TRIM58: variants seen among roughly 807,000 people sequenced by gnomAD.
TRIM58 encodes the protein tripartite motif containing 58.
Under a neutral mutation model 34.1 loss-of-function variants are expected in TRIM58, and 38 were observed. That is an observed-to-expected ratio of 1.12 (90% CI 0.86 to 1.46). The LOEUF is 1.46. Ranked by LOEUF, TRIM58 falls within the 40% of genes most tolerant of loss-of-function variation. The pLI is 0.00. For synonymous variants in TRIM58, 273 were observed against 275.7 expected (o/e 0.99, Z 0.10); for missense variants, 677 against 642.0 (o/e 1.05, Z -0.59).
chr1:247,861,836 C>T (rs1663800582), intron 2 of TRIM58, among the ~76,000 whole-genome samples: 1 of 151,982 alleles, frequency 6.6e-6, no homozygotes, highest in African/African-American at 2.4e-5. Context: ...GAAACATGTA[C>T]ATTAAGGCCA....
chr1:247,861,092 G>A (rs1229517407), intron 2 of TRIM58, among the ~76,000 whole-genome samples: 1 of 152,136 alleles, frequency 6.6e-6, no homozygotes, highest in African/African-American at 2.4e-5. Context: ...TGTAGCCCAA[G>A]GTGATCATCT....
chr1:247,868,631 T>C (rs1663985114), intron 5 of TRIM58, among the ~76,000 whole-genome samples: 1 of 152,216 alleles, frequency 6.6e-6, no homozygotes, highest in African/African-American at 2.4e-5. Flanking sequence ...GCACAGGTTG[T>C]GGTCTGTGAT....
At chr1:247,860,901 C>T (rs1572569705) in intron 2 of TRIM58, among the ~76,000 whole-genome samples, 189 bp downstream of exon 2, 1 of 152,146 alleles carries the variant, frequency 6.6e-6, no homozygotes, top group Non-Finnish European at 1.5e-5. Flanking sequence ...TTCTTTTTGT[C>T]TCTACTGCCA....
chr1:247,867,150 T>A (rs1347998284), intron 3 of TRIM58, among the ~76,000 whole-genome samples: 1 of 152,164 alleles, frequency 6.6e-6, no homozygotes. Context: ...GTACGTTGGT[T>A]CAGAGAATTA....
Position 247,864,912 on chromosome 1 carries a change from C to A in TRIM58, c.724C>A (p.Arg242Ser). ...LADELQERCQ[R>S]PALGLLEGVR... ...GGATGAGCTGCAGGAGAGGTGCCAG[C>A]GCCCGGCCCTGGGTCTGCTGGAGGT... The change falls in exon 3 of 6, where the codon CGC becomes AGC. Residue 242 changes from arginine to serine, a missense_variant. Physicochemically the swap from Arg to Ser is moderately radical, Grantham distance 110 (BLOSUM62 -1). Coordinates refer to ENST00000366481, the MANE Select transcript of TRIM58 (RefSeq NM_015431.4). The A allele has an allele frequency of 6.3e-7, 1 of 1,591,176 alleles. No homozygotes were observed. Among genetic ancestry groups the A allele is most frequent in the Non-Finnish European group, 8.5e-7 (1 of 1,169,828 alleles).
rs1659291063 is a variant in TRIM58, at chr1:247,876,489, A to C, written c.1461A>C (p.Ter487TyrextTer9). The C allele has an allele frequency of 6.2e-7, 1 of 1,611,332 alleles. No individual in the cohort carries two copies. The highest frequency in any genetic ancestry group is 1.1e-5 in the South Asian group (1 of 90,908). The part of the protein sequence containing the change: ...PASDVRDDHL[*>Y] ...CTGATGTAAGAGATGATCATCTCTA[A>C]AATTCTGTTCCCAAGATGCAGTCCT... is the stretch of plus-strand genomic sequence containing the variant. Residue 487 changes from the stop codon to tyrosine, a stop_lost, in exon 6 of 6, where the codon TAA becomes TAC. Transcript: ENST00000366481.
Position 247,861,321 on chromosome 1 carries a change from C to T in TRIM58, c.516+609C>T, listed in dbSNP as rs1192530006. 2.6e-5 allele frequency among the ~76,000 whole-genome samples: 4 copies of T among 152,026 alleles called. No individual in the cohort carries two copies. In the East Asian group the frequency reaches 7.7e-4, roughly 29 times the overall value. ...GATTCTCAACCTGAGGCGATACCTG[C>T]CCCCCAAGATAACATTTTGCAATTT... On this transcript the variant is annotated intron_variant, in intron 2 of 5. Transcript: ENST00000366481.
chr1:247,864,083 C>T (rs1663860667), intron 2 of TRIM58, among the ~76,000 whole-genome samples: 2 of 152,100 alleles, frequency 1.3e-5, no homozygotes, highest in East Asian at 1.9e-4. Flanking sequence ...TGTGACTGCT[C>T]TATGCTAATC....
rs10578618 is a variant in TRIM58 at position 247,878,164 on chromosome 1, A to AAAATAAATAAATAAAT, written c.*1705_*1720dup. On this transcript the variant is annotated 3_prime_UTR_variant, in exon 6 of 6. Transcript: ENST00000366481. ...GGCAACAGAGCAAGACTCCATCTCA[A>AAAATAAATAAATAAAT]AAATAAATAAATAAATAAATAAATA... 1.4e-5 allele frequency: 2 copies of AAAATAAATAAATAAAT among 144,306 alleles called. No homozygotes were observed. The highest frequency in any genetic ancestry group is 3.0e-5 in the Non-Finnish European group (2 of 66,202). 8.9% of individuals were successfully genotyped at this position (144,306 alleles called of 1,614,324 possible). A position where few individuals can be genotyped will look rare whatever the true frequency, so the allele number is the denominator to read the frequency against.
At chr1:247,864,174 T>G (rs1158706262) in intron 2 of TRIM58, among the ~76,000 whole-genome samples, 1 of 152,154 alleles carries the variant, frequency 6.6e-6, no homozygotes, top group Non-Finnish European at 1.5e-5. Context: ...AGATGGAGTC[T>G]TGCTCTGTTA....
rs542100228 is a variant in TRIM58, at chr1:247,864,644, T to G, written c.517-61T>G. On this transcript the variant is annotated intron_variant, in intron 2 of 5. Coordinates refer to ENST00000366481, the MANE Select transcript of TRIM58 (RefSeq NM_015431.4). ...GTCTGGACATTACCTTCTCCAGCAC[T>G]GTCCTGTACATGGCTGCTGGAGGCC... 9.0e-6 allele frequency: 14 copies of G among 1,557,516 alleles called. No individual in the cohort carries two copies. In the Admixed American group the frequency reaches 1.6e-4, roughly 18 times the overall value.
rs1265302948 is a variant in TRIM58, at chr1:247,879,263, T to C, written c.*2774T>C. On this transcript the variant is annotated 3_prime_UTR_variant, in exon 6 of 6. Coordinates refer to ENST00000366481, the MANE Select transcript of TRIM58 (RefSeq NM_015431.4). Reference sequence around the variant, plus strand: ...ACTTTCTTGATTTCTCCAGCCCACATCCAGTCCATCGGCAAGCCCTGTTGG... The same window carrying C: ...ACTTTCTTGATTTCTCCAGCCCACACCCAGTCCATCGGCAAGCCCTGTTGG... Among the ~76,000 whole-genome samples, 2 of 152,146 alleles carry C rather than the reference T, an allele frequency of 1.3e-5. No homozygotes were observed. The highest frequency in any genetic ancestry group is 1.9e-4 in the East Asian group (1 of 5,168).
chr1:247,858,296 C>T (rs1279406488), intron 1 of TRIM58, among the ~76,000 whole-genome samples: 2 of 152,026 alleles, frequency 1.3e-5, no homozygotes, highest in Non-Finnish European at 2.9e-5. Context: ...GGGTGTAGCC[C>T]GGGAAGCTTC....
chr1:247,866,706 GAT>G (rs1663935217), intron 3 of TRIM58, among the ~76,000 whole-genome samples: 2 of 152,158 alleles, frequency 1.3e-5, no homozygotes, highest in African/African-American at 2.4e-5. Flanking sequence ...AGGATCAGGT[GAT>G]CCTTGTGCCT....
chr1:247,872,472 G>A (rs1388477071), intron 5 of TRIM58, among the ~76,000 whole-genome samples: 1 of 152,184 alleles, frequency 6.6e-6, no homozygotes, highest in Non-Finnish European at 1.5e-5. Context: ...TGGATCTTGC[G>A]AACTGGCAAA....
At chr1:247,858,572 T>C (rs1663694811) in intron 1 of TRIM58, among the ~76,000 whole-genome samples, 1 of 152,150 alleles carries the variant, frequency 6.6e-6, no homozygotes, top group Non-Finnish European at 1.5e-5. Context: ...TTTGTTTGTT[T>C]TAAATTAAGG....
In TRIM58 at chr1:247,878,922, C is replaced by T. The variant is rs1219069365; in HGVS notation, c.*2433C>T. On this transcript the variant is annotated 3_prime_UTR_variant, in exon 6 of 6. Transcript: ENST00000366481. ...TAGTTTTGTGTGTCTCCTGTAATGA[C>T]TCTTCTCTTTCCCTTTCCAACTCCT... is the stretch of plus-strand genomic sequence containing the variant. Among the ~76,000 whole-genome samples, 1 of 152,082 alleles carries T rather than the reference C, an allele frequency of 6.6e-6. No homozygotes were observed. Among genetic ancestry groups the T allele is most frequent in the East Asian group, 1.9e-4 (1 of 5,192 alleles).
Position 247,880,113 on chromosome 1 carries a change from A to T in TRIM58, c.*3624A>T, listed in dbSNP as rs896347906. On this transcript the variant is annotated 3_prime_UTR_variant, in exon 6 of 6. Transcript: ENST00000366481. ...TCAATCTGTATTTGTTGAATGAATA[A>T]ATGATTGACTATGTGGAGAGCAAAA... Among the ~76,000 whole-genome samples the T allele has an allele frequency of 6.6e-6, 1 of 152,156 alleles. No homozygotes were observed.
chr1:247,876,345 C>G lies in TRIM58; in HGVS notation c.1317C>G (p.Leu439=), dbSNP rs779446986. 1.9e-6 allele frequency: 3 copies of G among 1,614,072 alleles called. No homozygotes were observed. Among genetic ancestry groups the G allele is most frequent in the Non-Finnish European group, 2.5e-6 (3 of 1,180,040 alleles). ...CTTATATCTACACATTCAACCAACT[C>G]TTCTCTGGTCTTCTTCGGCCTTACT... The part of the protein sequence containing the change: ...DGSYIYTFNQ[L]FSGLLRPYFF... The change falls in exon 6 of 6, where the codon CTC becomes CTG. Residue 439 remains leucine, a synonymous_variant. Coordinates refer to ENST00000366481, the MANE Select transcript of TRIM58 (RefSeq NM_015431.4).
Sources: gnomAD v4.1 joint callset for allele counts (sites outside exome capture counted in the v4.1 genomes callset) on GRCh38, gnomAD v4.1.1 for gene constraint, MANE v1.5 for transcripts, NCBI Gene and HGNC (gene_info 2026-07-23, HGNC 2026-07-21) for gene names.